Variants in MAPT observed in about 807,000 individuals in gnomAD.
The protein encoded by MAPT is microtubule associated protein tau, also known as microtubule-associated protein tau.
In MAPT, 34 loss-of-function variants were observed where a neutral mutation model predicts 67.9. The observed-to-expected ratio is 0.50, with a 90% CI of 0.38 to 0.67. The LOEUF is 0.67. Ranked by LOEUF, MAPT falls within the 30% of genes least tolerant of loss-of-function variation. The probability of loss-of-function intolerance (pLI) is 0.00; values close to 1 mark genes in which losing one functional copy is unlikely to be tolerated. For missense variants in MAPT, 881 were observed against 1,115.2 expected (o/e 0.79, Z 2.99); for synonymous variants, 456 against 464.5 (o/e 0.98, Z 0.23).
chr17:45,980,752 A>C (rs2072870348), intron 4 of MAPT, among the ~76,000 whole-genome samples: 2 of 152,148 alleles, frequency 1.3e-5, no homozygotes, highest in Non-Finnish European at 2.9e-5. Context: ...AAGCTCTAGG[A>C]GGAAAGCGAC....
intron 9 of MAPT, among the ~76,000 whole-genome samples, chr17:46,004,246 C>T (rs994675912): frequency 1.2e-4 from 19 of 152,188 alleles, no homozygotes; most frequent in African/African-American, 4.6e-4. Context: ...GGAGGGAGGG[C>T]TGGGCTCTTT....
At chr17:45,953,438 G>C (rs972632865) in intron 1 of MAPT, among the ~76,000 whole-genome samples, 4 of 152,194 alleles carry the variant, frequency 2.6e-5, no homozygotes, top group African/African-American at 9.7e-5. Flanking sequence ...TAATCAGAAG[G>C]TCCATGAACC....
intron 1 of MAPT, among the ~76,000 whole-genome samples, chr17:45,907,049 G>A (rs911954214): frequency 6.6e-6 from 1 of 152,024 alleles, no homozygotes; most frequent in Non-Finnish European, 1.5e-5. Context: ...GAGCAACCCC[G>A]TCACCTGCCC....
chr17:46,007,388 G>A (rs545667815), intron 9 of MAPT, among the ~76,000 whole-genome samples: 4 of 152,212 alleles, frequency 2.6e-5, no homozygotes, highest in African/African-American at 7.2e-5. Flanking sequence ...TTGGGAGACC[G>A]AGGCAGGAGG....
intron 1 of MAPT, among the ~76,000 whole-genome samples, chr17:45,940,440 G>A (rs573404261): frequency 4.6e-5 from 7 of 152,308 alleles, no homozygotes; most frequent in South Asian, 2.1e-4. Flanking sequence ...CCCATAGGGC[G>A]TAGTGAGGAT....
intron 12 of MAPT, among the ~76,000 whole-genome samples, chr17:46,021,743 A>G (rs937811696): frequency 6.6e-6 from 1 of 152,186 alleles, no homozygotes; most frequent in Non-Finnish European, 1.5e-5. Context: ...AACCTGAGTT[A>G]GAGCCACGCT....
chr17:45,911,292 C>T (rs1351847193), intron 1 of MAPT, among the ~76,000 whole-genome samples: 2 of 152,188 alleles, frequency 1.3e-5, no homozygotes, highest in Non-Finnish European at 2.9e-5. Context: ...AATTGATTCA[C>T]GAGTGAATAA....
At chr17:45,942,196 G>T (rs368542796) in intron 1 of MAPT, among the ~76,000 whole-genome samples, 8 of 152,168 alleles carry the variant, frequency 5.3e-5, no homozygotes, top group African/African-American at 1.9e-4. Flanking sequence ...TTGTTTATTT[G>T]TTTGACTACA....
chr17:45,929,037 G>A (rs2066617236), intron 1 of MAPT, among the ~76,000 whole-genome samples: 1 of 151,938 alleles, frequency 6.6e-6, no homozygotes, highest in African/African-American at 2.4e-5. Context: ...AGAGAATTCT[G>A]TTGCATCAGC....
chr17:45,991,316 C>G (rs1207653180), intron 7 of MAPT, 144 bp from the exon 8 acceptor site: 6 of 977,056 alleles, frequency 6.1e-6, no homozygotes, highest in Non-Finnish European at 9.6e-6. Flanking sequence ...TTGTAGCAGA[C>G]ACTAGTGGCA....
At chr17:46,012,952 G>A (rs1311055032) in intron 10 of MAPT, among the ~76,000 whole-genome samples, 1 of 152,128 alleles carries the variant, frequency 6.6e-6, no homozygotes, top group Non-Finnish European at 1.5e-5. Flanking sequence ...CACAGATCAT[G>A]TCCGCCCTGA....
intron 1 of MAPT, chr17:45,898,634 T>C (rs912026472): frequency 1.3e-5 from 2 of 152,224 alleles, no homozygotes; most frequent in Non-Finnish European, 1.5e-5. Context: ...TGGCTATATG[T>C]ACGAACACGT....
At chr17:45,919,579 G>A (rs141559696) in intron 1 of MAPT, among the ~76,000 whole-genome samples, 5 of 152,334 alleles carry the variant, frequency 3.3e-5, no homozygotes, top group East Asian at 1.9e-4. Context: ...ACTGCTGGGC[G>A]CAGAGTGGAG....
At chr17:46,018,204 G>A (rs62062284) in intron 11 of MAPT, among the ~76,000 whole-genome samples, 21,758 of 151,574 alleles carry the variant, frequency 0.14, 2,132 homozygotes, top group Middle Eastern at 0.22. Flanking sequence ...TATATTTAGA[G>A]TAATTTTTCC....
chr17:45,948,955 T>C (rs62062793), intron 1 of MAPT, among the ~76,000 whole-genome samples: 21,823 of 152,306 alleles, frequency 0.14, 2,135 homozygotes, highest in Non-Finnish European at 0.22. Context: ...TGCTTGGTCT[T>C]CAGTTACCTG....
At chr17:46,000,896 G>A (rs1473278117) in intron 9 of MAPT, among the ~76,000 whole-genome samples, 1 of 152,212 alleles carries the variant, frequency 6.6e-6, no homozygotes, top group Non-Finnish European at 1.5e-5. Context: ...TGCGGGAGTG[G>A]GAGTGTGTCC....
At chr17:45,938,833 A>G (rs1214116538) in intron 1 of MAPT, among the ~76,000 whole-genome samples, 4 of 50,304 alleles carry the variant, frequency 8.0e-5, no homozygotes, top group South Asian at 6.0e-4. Flanking sequence ...TTTTTTTTTG[A>G]GACAGAGTCT....
At chr17:46,016,402 AAAAG>A (rs1260764013) in intron 11 of MAPT, among the ~76,000 whole-genome samples, 31 of 151,670 alleles carry the variant, frequency 2.0e-4, no homozygotes, top group African/African-American at 6.5e-4. Flanking sequence ...AAAAAAAAAA[AAAAG>A]AAAGAAAAAG....
rs187522583 is a variant in MAPT, at chr17:45,993,165, C to T, written c.1732+1579C>T. 3.9e-4 allele frequency among the ~76,000 whole-genome samples: 60 copies of T among 152,338 alleles called. 2 individuals carry two copies. In the East Asian group the frequency reaches 9.8e-3, roughly 25 times the overall value. ...CCTGAGGGAGCTGCCCAGAGCCTGC[C>T]CACCACCTGCTGCGTGTCTTTGCGG... On this transcript the variant is annotated intron_variant, in intron 8 of 12. Coordinates refer to ENST00000262410, the MANE Select transcript of MAPT (RefSeq NM_001377265.1).
Sources: allele counts gnomAD v4.1 joint callset (sites outside exome capture counted in the v4.1 genomes callset), GRCh38; gene constraint gnomAD v4.1.1; transcripts MANE v1.5; gene names NCBI Gene and HGNC (gene_info 2026-07-23, HGNC 2026-07-21).